SSH2: variants seen among roughly 807,000 people sequenced by gnomAD.
SSH2 encodes the protein slingshot protein phosphatase 2.
A neutral mutation model predicts 135.2 loss-of-function variants in SSH2; 37 were observed. The observed-to-expected ratio is 0.27, with a 90% CI of 0.21 to 0.36. The LOEUF is 0.36. SSH2 is among the 10% of genes least tolerant of loss of function. The pLI, the probability that SSH2 is intolerant of heterozygous loss-of-function variation, is 1.00. For synonymous variants in SSH2, 628 were observed against 646.2 expected, an observed-to-expected ratio of 0.97 and a Z score of 0.43; for missense variants, 1,408 against 1,765.3, an observed-to-expected ratio of 0.80 and a Z score of 3.63.
chr17:29,912,843 A>C (rs959698942), intron 1 of SSH2, among the ~76,000 whole-genome samples: 1 of 152,168 alleles, frequency 6.6e-6, no homozygotes, highest in African/African-American at 2.4e-5. Context: ...ACACAGAGTC[A>C]CACTGGCAGC....
chr17:29,780,235 A>C (rs955207754), intron 3 of SSH2, among the ~76,000 whole-genome samples: 6 of 152,098 alleles, frequency 3.9e-5, no homozygotes, highest in Non-Finnish European at 8.8e-5. Context: ...ACAACAACAA[A>C]AAAACCCTCT....
chr17:29,697,243 C>T (rs2038795956), intron 4 of SSH2, among the ~76,000 whole-genome samples: 1 of 152,126 alleles, frequency 6.6e-6, no homozygotes, highest in South Asian at 2.1e-4. Flanking sequence ...CTCATTCTTG[C>T]CCACTCAGAT....
intron 3 of SSH2, among the ~76,000 whole-genome samples, chr17:29,723,006 C>G (rs1040557306): frequency 6.6e-6 from 1 of 152,304 alleles, no homozygotes; most frequent in East Asian, 1.9e-4. Flanking sequence ...GCTTTGCCAT[C>G]GGCAATGTCT....
chr17:29,850,024 C>A (rs2151388953), intron 1 of SSH2, among the ~76,000 whole-genome samples: 3 of 117,854 alleles, frequency 2.5e-5, no homozygotes, highest in East Asian at 2.6e-4. Flanking sequence ...TGCAAGACTC[C>A]ATCTCAAAAA....
intron 1 of SSH2, among the ~76,000 whole-genome samples, chr17:29,868,737 CA>C (rs10670727): frequency 6.2e-4 from 75 of 120,124 alleles, no homozygotes; most frequent in East Asian, 1.4e-3. Flanking sequence ...GACTCCACCT[CA>C]AAAAAAAAAA....
chr17:29,925,243 T>C (rs1419429175), intron 1 of SSH2: 1 of 318,128 alleles, frequency 3.1e-6, no homozygotes, highest in Non-Finnish European at 5.6e-6. Context: ...ACTTTGTTTA[T>C]TTAACCCTGG....
At chr17:29,795,348 C>T (rs888702376) in intron 2 of SSH2, among the ~76,000 whole-genome samples, 10 of 152,224 alleles carry the variant, frequency 6.6e-5, no homozygotes, top group Admixed American at 6.5e-4. Context: ...TCATTTCAAA[C>T]ATGTCTTTCT....
intron 1 of SSH2, among the ~76,000 whole-genome samples, chr17:29,921,441 A>G (rs2066974714): frequency 1.3e-5 from 2 of 152,260 alleles, no homozygotes; most frequent in Non-Finnish European, 2.9e-5. Flanking sequence ...GGCAACATGT[A>G]TCAAAAGTCT....
rs563385530 is a variant in SSH2, at chr17:29,723,162, T to C, written c.189-20100A>G. 4.6e-5 allele frequency among the ~76,000 whole-genome samples: 7 copies of C among 152,298 alleles called. No individual in the cohort carries two copies. The South Asian group carries it at 1.5e-3, about 32-fold the overall frequency. On this transcript the variant is annotated intron_variant, in intron 3 of 15. Coordinates refer to ENST00000540801, the MANE Select transcript of SSH2 (RefSeq NM_001282129.2). ...CATCTCTGTGGGAGATGAGATATGG[T>C]ACAATATACTGTATAAAAATCTGGG...
intron 2 of SSH2, among the ~76,000 whole-genome samples, chr17:29,841,653 C>T (rs1235887306): frequency 6.6e-6 from 1 of 152,192 alleles, no homozygotes; most frequent in African/African-American, 2.4e-5. Context: ...TACAATGTTA[C>T]AAATGTTGCA....
At chr17:29,728,663 A>T (rs1479134085) in intron 3 of SSH2, among the ~76,000 whole-genome samples, 1 of 152,236 alleles carries the variant, frequency 6.6e-6, no homozygotes, top group African/African-American at 2.4e-5. Flanking sequence ...ACCGAGCTAT[A>T]GTAACCAAAA....
intron 1 of SSH2, among the ~76,000 whole-genome samples, chr17:29,872,677 T>C (rs1434328810): frequency 6.6e-6 from 1 of 152,076 alleles, no homozygotes; most frequent in African/African-American, 2.4e-5. Flanking sequence ...GGAGGGCTTA[T>C]AGGTGGATAT....
intron 8 of SSH2, among the ~76,000 whole-genome samples, chr17:29,675,458 A>G (rs1367944144): frequency 6.6e-6 from 1 of 152,154 alleles, no homozygotes; most frequent in East Asian, 1.9e-4. Context: ...TAGTCACATC[A>G]TTCTCTGGTT....
At chr17:29,851,356 G>A (rs1434707991) in intron 1 of SSH2, among the ~76,000 whole-genome samples, 1 of 151,988 alleles carries the variant, frequency 6.6e-6, no homozygotes, top group Non-Finnish European at 1.5e-5. Flanking sequence ...CAACACTTTG[G>A]GAGGCGGGTG....
intron 6 of SSH2, among the ~76,000 whole-genome samples, chr17:29,681,533 C>T (rs902209461): frequency 6.7e-6 from 1 of 150,276 alleles, no homozygotes; most frequent in Non-Finnish European, 1.5e-5. Context: ...ATGTACCAGA[C>T]ATTTCAAGGT....
At chr17:29,891,393 T>C (rs2066347355) in intron 1 of SSH2, among the ~76,000 whole-genome samples, 1 of 152,172 alleles carries the variant, frequency 6.6e-6, no homozygotes, top group Non-Finnish European at 1.5e-5. Context: ...TGCACTGTTA[T>C]CTAGACAAAA....
At chr17:29,900,872 A>G (rs2066537980) in intron 1 of SSH2, among the ~76,000 whole-genome samples, 1 of 152,234 alleles carries the variant, frequency 6.6e-6, no homozygotes, top group Admixed American at 6.5e-5. Flanking sequence ...AAGACTTGGA[A>G]CCAACCCAAA....
chr17:29,748,556 C>T (rs2040832527), intron 3 of SSH2, among the ~76,000 whole-genome samples: 1 of 151,914 alleles, frequency 6.6e-6, no homozygotes, highest in South Asian at 2.1e-4. Flanking sequence ...TAAATGAATG[C>T]CTGGTTTCAA....
intron 1 of SSH2, among the ~76,000 whole-genome samples, chr17:29,925,953 A>G (rs2067056022): frequency 6.6e-6 from 1 of 152,218 alleles, no homozygotes; most frequent in African/African-American, 2.4e-5. Context: ...ATCAAAAGAG[A>G]CAGAGATAAT....
Sources: gnomAD v4.1 joint callset for allele counts (sites outside exome capture counted in the v4.1 genomes callset) on GRCh38, gnomAD v4.1.1 for gene constraint, MANE v1.5 for transcripts, NCBI Gene and HGNC (gene_info 2026-07-23, HGNC 2026-07-21) for gene names.